Variants in WDR26 observed in about 807,000 individuals in gnomAD.
The protein encoded by WDR26 is WD repeat-containing protein 26.
In WDR26, 5 loss-of-function variants were observed where a neutral mutation model predicts 84.1. That is an observed-to-expected ratio of 0.06 (90% CI 0.03 to 0.13). The LOEUF is 0.13. Ranked by LOEUF, WDR26 falls within the 10% of genes least tolerant of loss-of-function variation. The pLI is 1.00. For missense variants in WDR26, 642 were observed against 974.9 expected (o/e 0.66, Z 4.55); for synonymous variants, 415 against 389.6 (o/e 1.07, Z -0.77).
At chr1:224,421,055 A>G (rs746652087) in intron 4 of WDR26, among the ~76,000 whole-genome samples, 3 of 152,228 alleles carry the variant, frequency 2.0e-5, no homozygotes, top group Non-Finnish European at 2.9e-5. Flanking sequence ...TAAATCTTAA[A>G]GTTTTAAATG....
chr1:224,395,255 C>T (rs1673228291), intron 12 of WDR26, among the ~76,000 whole-genome samples: 1 of 152,136 alleles, frequency 6.6e-6, no homozygotes, highest in South Asian at 2.1e-4. Context: ...GGAATAAACA[C>T]CATTTACTAC....
intron 13 of WDR26, among the ~76,000 whole-genome samples, chr1:224,391,476 G>C (rs775189857): frequency 3.3e-5 from 5 of 151,250 alleles, no homozygotes; most frequent in Non-Finnish European, 5.9e-5. Context: ...AAATGGAGTT[G>C]AGTGTATTTT....
At chr1:224,424,689 A>G (rs1215813927) in intron 3 of WDR26, 35 bp from the exon 4 acceptor site, 5 of 1,613,702 alleles carry the variant, frequency 3.1e-6, no homozygotes, top group Admixed American at 3.3e-5. Context: ...AGGGGAAAAA[A>G]GTTGATGGAA....
chr1:224,429,378 C>T (rs1349082999), intron 3 of WDR26: 1 of 151,872 alleles, frequency 6.6e-6, no homozygotes, highest in Non-Finnish European at 1.5e-5. Flanking sequence ...CAATTTTAGT[C>T]TAGACTAAGC....
chr1:224,389,906 G>GA, intron 13 of WDR26, 46 bp from the exon 14 acceptor site: 7 of 470,782 alleles, frequency 1.5e-5, no homozygotes, highest in East Asian at 1.0e-4. Flanking sequence ...GCGGGGGAGG[G>GA]AAGAGGGGAA....
Position 224,434,751 on chromosome 1 carries a change from C to CGCTCT in WDR26, c.-351_-347dup, listed in dbSNP as rs1456142614. 3.0e-6 allele frequency: 3 copies of CGCTCT among 987,068 alleles called. No individual in the cohort carries two copies. The highest frequency in any genetic ancestry group is 3.5e-5 in the African/African-American group (2 of 57,150). The allele number at this position is 987,068 out of a possible 1,614,324, so 61.1% of individuals were successfully genotyped here. On this transcript the variant is annotated 5_prime_UTR_variant, in exon 1 of 14. Transcript: ENST00000414423. ...GCCGCCTCTGTCCTCGGATCCGCTCCGCTCTGCTCCCTGGTGTGTTGATTC... is the reference window on the plus strand; with the variant it reads ...GCCGCCTCTGTCCTCGGATCCGCTCCGCTCTGCTCTGCTCCCTGGTGTGTTGATTC...
At chr1:224,407,675 A>G (rs1673621525) in intron 7 of WDR26, among the ~76,000 whole-genome samples, 1 of 151,348 alleles carries the variant, frequency 6.6e-6, no homozygotes, top group African/African-American at 2.4e-5. Context: ...TGCCAGACTA[A>G]TTTTTTTTAT....
At chr1:224,422,102 T>C (rs1355591349) in intron 4 of WDR26, among the ~76,000 whole-genome samples, 1 of 152,120 alleles carries the variant, frequency 6.6e-6, no homozygotes. Context: ...GTGGGTAATC[T>C]TGGGAGATGA....
intron 13 of WDR26, among the ~76,000 whole-genome samples, chr1:224,390,722 A>G (rs1673101003): frequency 6.6e-6 from 1 of 152,122 alleles, no homozygotes; most frequent in African/African-American, 2.4e-5. Context: ...GTGAGCCGAG[A>G]TTGCACCACT....
chr1:224,402,050 G>T (rs1673435343), intron 8 of WDR26: 1 of 152,136 alleles, frequency 6.6e-6, no homozygotes, highest in African/African-American at 2.4e-5. Context: ...TTAGAAACAG[G>T]ATCTGAGAGA....
chr1:224,432,381 T>C (rs975513510), intron 1 of WDR26, among the ~76,000 whole-genome samples: 3 of 152,144 alleles, frequency 2.0e-5, no homozygotes, highest in Non-Finnish European at 2.9e-5. Flanking sequence ...CTCAGTAATA[T>C]GTTCTGTTAG....
At chr1:224,409,277 TA>T (rs939478701) in intron 7 of WDR26, among the ~76,000 whole-genome samples, 1 of 152,206 alleles carries the variant, frequency 6.6e-6, no homozygotes, top group African/African-American at 2.4e-5. Flanking sequence ...TAAATAAAAA[TA>T]AAAAATGTTT....
chr1:224,394,113 T>A (rs1197627296), intron 12 of WDR26, 100 bp from the exon 13 acceptor site: 6 of 872,856 alleles, frequency 6.9e-6, no homozygotes, highest in African/African-American at 1.7e-5. Context: ...TTACTAGAAC[T>A]TAAAGGGAAA....
chr1:224,404,960 T>C (rs1673512916), intron 7 of WDR26, among the ~76,000 whole-genome samples: 1 of 152,206 alleles, frequency 6.6e-6, no homozygotes, highest in Non-Finnish European at 1.5e-5. Context: ...ACCATAAAAT[T>C]CATCCTTTTA....
intron 6 of WDR26, among the ~76,000 whole-genome samples, chr1:224,414,234 C>T (rs1673827851): frequency 1.3e-5 from 2 of 151,886 alleles, no homozygotes; most frequent in Admixed American, 6.6e-5. Flanking sequence ...GCCTCCCCAG[C>T]AGCTGGGATT....
chr1:224,433,713 T>C lies in WDR26; in HGVS notation c.693A>G (p.Ile231Met). 2.0e-6 allele frequency: 3 copies of C among 1,529,312 alleles called. No individual in the cohort carries two copies. Among genetic ancestry groups the C allele is most frequent in the Non-Finnish European group, 2.6e-6 (3 of 1,142,232 alleles). 94.7% of individuals were successfully genotyped at this position (1,529,312 alleles called of 1,614,324 possible). Reference sequence around the variant, plus strand: ...GCCCTAAGCCATTCAAGTGCTGTCCTATTAGCCTAATGACATCCTCATCTG... The same window carrying C: ...GCCCTAAGCCATTCAAGTGCTGTCCCATTAGCCTAATGACATCCTCATCTG... Residue 231 changes from isoleucine (I) to methionine (M), a missense_variant, in exon 1 of 14, where the codon ATA (isoleucine) becomes ATG (methionine). Ile to Met is a conservative substitution (Grantham distance 10, BLOSUM62 1). This residue lies in a region of WDR26 where 351 missense variants were observed against 672.8 expected (regional missense o/e 0.52). Coordinates refer to ENST00000414423, the MANE Select transcript of WDR26 (RefSeq NM_001379403.1).
At chr1:224,424,070 T>G (rs1030892462) in intron 4 of WDR26, among the ~76,000 whole-genome samples, 6 of 152,042 alleles carry the variant, frequency 3.9e-5, no homozygotes, top group Non-Finnish European at 5.9e-5. Context: ...AAAAAAGGAC[T>G]GATGTTGATG....
At chr1:224,419,103 A>G (rs1673984955) in intron 5 of WDR26, among the ~76,000 whole-genome samples, 1 of 152,256 alleles carries the variant, frequency 6.6e-6, no homozygotes, top group African/African-American at 2.4e-5. Flanking sequence ...TGAAACCTGC[A>G]TTACAATCTA....
chr1:224,408,042 T>A (rs1673631596), intron 7 of WDR26, among the ~76,000 whole-genome samples: 1 of 152,184 alleles, frequency 6.6e-6, no homozygotes, highest in Non-Finnish European at 1.5e-5. Flanking sequence ...TAATTCTGCA[T>A]ACCCATTATT....
Sources: allele counts gnomAD v4.1 joint callset (sites outside exome capture counted in the v4.1 genomes callset), GRCh38; gene constraint gnomAD v4.1.1; regional missense constraint gnomAD v4.1.1; transcripts MANE v1.5; gene names NCBI Gene and HGNC (gene_info 2026-07-23, HGNC 2026-07-21).